Variants in TMED2 observed in about 807,000 individuals in gnomAD.
TMED2 encodes transmembrane p24 trafficking protein 2.
In TMED2, 3 loss-of-function variants were observed where a neutral mutation model predicts 17.5. The ratio of observed to expected loss-of-function variants is 0.17; its 90% CI spans 0.08 to 0.44. The LOEUF (loss-of-function observed/expected upper bound fraction) is 0.44, where lower values mean the gene tolerates loss of function less well. Among genes scored for constraint, TMED2 ranks in the 20% least tolerant of loss-of-function variants. The pLI, the probability that TMED2 is intolerant of heterozygous loss-of-function variation, is 0.99. For missense variants in TMED2, 149 were observed against 254.8 expected, an observed-to-expected ratio of 0.58 and a Z score of 2.83; for synonymous variants, 95 against 91.0, an observed-to-expected ratio of 1.04 and a Z score of -0.25.
Position 123,598,317 on chromosome 12 carries a change from T to C in TMED2, c.*1588T>C, listed in dbSNP as rs1199770486. On this transcript the variant is annotated 3_prime_UTR_variant, in exon 4 of 4. Coordinates refer to ENST00000262225, the MANE Select transcript of TMED2 (RefSeq NM_006815.4). ...ATGGTACCAAGTTTTAGTTTCTGCGTAGGTTTTCCAGTGTGGCTTCTCTGA... is the reference window on the plus strand; with the variant it reads ...ATGGTACCAAGTTTTAGTTTCTGCGCAGGTTTTCCAGTGTGGCTTCTCTGA... 4 of 152,194 alleles carry C rather than the reference T, an allele frequency of 2.6e-5. No individual in the cohort carries two copies. The highest frequency in any genetic ancestry group is 9.7e-5 in the African/African-American group (4 of 41,442). The allele number at this position is 152,194 out of a possible 1,614,324, so 9.4% of individuals were successfully genotyped here. A position where few individuals can be genotyped will look rare whatever the true frequency, so the allele number is the denominator to read the frequency against.
In TMED2 at chr12:123,592,199, T is replaced by G. The variant is rs577848923; in HGVS notation, c.481+1750T>G. Among the ~76,000 whole-genome samples the G allele has an allele frequency of 1.6e-4, 24 of 152,308 alleles. No homozygotes were observed. The East Asian group carries it at 4.2e-3, about 27-fold the overall frequency. ...TTACTCCAGCCTCTTGCCTCACAAT[T>G]TTGTCTCCTTGCCTCCACTCTTAAT... On this transcript the variant is annotated intron_variant, in intron 3 of 3. Transcript: ENST00000262225.
intron 3 of TMED2, among the ~76,000 whole-genome samples, chr12:123,596,361 GTAGGC>G (rs1395670747): frequency 2.0e-5 from 3 of 152,282 alleles, no homozygotes; most frequent in East Asian, 3.9e-4. Context: ...CGTGTTTTAC[GTAGGC>G]TAGGCTAAGC....
rs1312937013 is a variant in TMED2, at chr12:123,589,297, C to T, written c.374-1045C>T. Among the ~76,000 whole-genome samples, 4 of 152,260 alleles carry T rather than the reference C, an allele frequency of 2.6e-5. No homozygotes were observed. In the South Asian group the frequency reaches 8.3e-4, roughly 32 times the overall value. On this transcript the variant is annotated intron_variant, in intron 2 of 3. Coordinates refer to ENST00000262225, the MANE Select transcript of TMED2 (RefSeq NM_006815.4). ...GAGTTGGTGTGGATTTTCCTAAGAG[C>T]GTTTTAATGTTTTTCTCTGCTCAGC... is the stretch of plus-strand genomic sequence containing the variant.
chr12:123,588,858 A>C (rs1953370329), intron 2 of TMED2, among the ~76,000 whole-genome samples: 1 of 152,192 alleles, frequency 6.6e-6, no homozygotes, highest in South Asian at 2.1e-4. Context: ...CTGCTCTATC[A>C]GTTCCATGTG....
In TMED2 at chr12:123,586,752, A is replaced by G. The variant is rs1321405420; in HGVS notation, c.186A>G (p.Thr62=). 6 of 1,595,278 alleles carry G rather than the reference A, an allele frequency of 3.8e-6. No individual in the cohort carries two copies. In the Admixed American group the frequency reaches 8.8e-5, roughly 23 times the overall value. Residue 62 remains threonine (T), a synonymous_variant, in exon 2 of 4, where the codon ACA becomes ACG. Transcript: ENST00000262225. ...GGFLDIDVEI[T]GPDNKGIYKG... is the part of the protein sequence containing the mutation. ...CATTTCTCTCTTGCCTCCAGATTAC[A>G]GGACCAGATAACAAAGGAATTTACA...
intron 1 of TMED2, chr12:123,585,069 C>G (rs1331041315): frequency 6.5e-6 from 3 of 463,590 alleles, no homozygotes; most frequent in Admixed American, 3.4e-5. Flanking sequence ...TTTGGGTTTT[C>G]TCCTTGAACG....
chr12:123,590,332 C>A lies in TMED2; in HGVS notation c.374-10C>A. The A allele has an allele frequency of 6.4e-7, 1 of 1,563,298 alleles. No individual in the cohort carries two copies. The highest frequency in any genetic ancestry group is 8.7e-7 in the Non-Finnish European group (1 of 1,154,852). On this transcript the variant is annotated splice_polypyrimidine_tract_variant and intron_variant, in intron 2 of 3. Coordinates refer to ENST00000262225, the MANE Select transcript of TMED2 (RefSeq NM_006815.4). ...TGACAAATGTGTTTTGTTTTCAAAT[C>A]CTTCTATAGCTCACCAGAACAAGCT...
chr12:123,593,406 C>T (rs1368157950), intron 3 of TMED2, among the ~76,000 whole-genome samples: 1 of 152,138 alleles, frequency 6.6e-6, no homozygotes, highest in African/African-American at 2.4e-5. Context: ...GCGCACGCCA[C>T]CACCAAATTT....
intron 3 of TMED2, among the ~76,000 whole-genome samples, chr12:123,592,158 C>G (rs957505939): frequency 6.6e-6 from 1 of 152,164 alleles, no homozygotes; most frequent in Non-Finnish European, 1.5e-5. Context: ...TATTATGGAC[C>G]AAGGCTTGTC....
chr12:123,592,832 G>A (rs1487263881), intron 3 of TMED2, among the ~76,000 whole-genome samples: 1 of 152,188 alleles, frequency 6.6e-6, no homozygotes. Flanking sequence ...TTCTTTGGGA[G>A]GCCGAGGCAG....
intron 3 of TMED2, among the ~76,000 whole-genome samples, chr12:123,592,923 A>G (rs963873368): frequency 6.6e-6 from 1 of 152,114 alleles, no homozygotes; most frequent in Non-Finnish European, 1.5e-5. Flanking sequence ...TGCAAAAATT[A>G]GGCCGAGCAC....
chr12:123,588,750 A>G (rs893291002), intron 2 of TMED2, among the ~76,000 whole-genome samples: 3 of 152,176 alleles, frequency 2.0e-5, no homozygotes, highest in Admixed American at 6.5e-5. Context: ...ACTGGAGGCC[A>G]TGGAGGCTGC....
intron 2 of TMED2, chr12:123,587,535 C>A: frequency 8.8e-7 from 1 of 1,130,774 alleles, no homozygotes; most frequent in Non-Finnish European, 1.1e-6. Flanking sequence ...TTTATTTGCT[C>A]ATTTGTATAC....
At chr12:123,591,567 A>G (rs1422186141) in intron 3 of TMED2, among the ~76,000 whole-genome samples, 2 of 152,044 alleles carry the variant, frequency 1.3e-5, no homozygotes, top group African/African-American at 2.4e-5. Flanking sequence ...GCGGATCACA[A>G]GGTCAAGAGA....
rs376777828 is a variant in TMED2, at chr12:123,596,765, C to A, written c.*36C>A. On this transcript the variant is annotated 3_prime_UTR_variant, in exon 4 of 4. Coordinates refer to ENST00000262225, the MANE Select transcript of TMED2 (RefSeq NM_006815.4). ...CCTGATGATCCCAACTCAGAATTCA[C>A]TGTTTACCAAACACCTTGGTCATAA... is the stretch of plus-strand genomic sequence containing the variant. 9.6e-5 allele frequency: 150 copies of A among 1,567,296 alleles called. No individual in the cohort carries two copies. The highest frequency in any genetic ancestry group is 1.2e-4 in the Non-Finnish European group (143 of 1,159,610).
intron 2 of TMED2, 130 bp downstream of exon 2, chr12:123,587,069 CT>C: frequency 1.1e-6 from 1 of 891,750 alleles, no homozygotes; most frequent in Non-Finnish European, 1.5e-6. Context: ...GTGAAATACG[CT>C]TTTTATTTTT....
Position 123,584,636 on chromosome 12 carries a change from C to T in TMED2, c.-1C>T, listed in dbSNP as rs534604597. ...GTCCTGGCTTCGGCCTCAGCCCCACCATGGTGACGCTTGCTGAACTGCTGG... is the reference window on the plus strand; with the variant it reads ...GTCCTGGCTTCGGCCTCAGCCCCACTATGGTGACGCTTGCTGAACTGCTGG... On this transcript the variant is annotated 5_prime_UTR_variant, in exon 1 of 4. Coordinates refer to ENST00000262225, the MANE Select transcript of TMED2 (RefSeq NM_006815.4). The T allele has an allele frequency of 1.2e-6, 2 of 1,610,294 alleles. No homozygotes were observed. Among genetic ancestry groups the T allele is most frequent in the South Asian group, 1.1e-5 (1 of 90,964 alleles).
Position 123,598,418 on chromosome 12 carries a change from T to G in TMED2, c.*1689T>G, listed in dbSNP as rs1374403261. The G allele has an allele frequency of 1.3e-5, 2 of 152,186 alleles. No homozygotes were observed. The highest frequency in any genetic ancestry group is 2.9e-5 in the Non-Finnish European group (2 of 68,032). 9.4% of individuals were successfully genotyped at this position (152,186 alleles called of 1,614,324 possible). Reference sequence around the variant, plus strand: ...GAATTATTTTCACTTGCCCACGTAGTTTATGAATGTGGGAAATAGCTTCAA... The same window carrying G: ...GAATTATTTTCACTTGCCCACGTAGGTTATGAATGTGGGAAATAGCTTCAA... On this transcript the variant is annotated 3_prime_UTR_variant, in exon 4 of 4. Coordinates refer to ENST00000262225, the MANE Select transcript of TMED2 (RefSeq NM_006815.4).
At chr12:123,586,577 T>TG in intron 1 of TMED2, 170 bp from the exon 2 acceptor site, 1 of 485,910 alleles carries the variant, frequency 2.1e-6, no homozygotes, top group East Asian at 3.8e-5. Context: ...CTTGAACTCC[T>TG]GACCTCAAGT....
Sources: gnomAD v4.1 joint callset for allele counts (sites outside exome capture counted in the v4.1 genomes callset) on GRCh38, gnomAD v4.1.1 for gene constraint, MANE v1.5 for transcripts, NCBI Gene and HGNC (gene_info 2026-07-23, HGNC 2026-07-21) for gene names.